The following EFNA5 variants were observed in gnomAD, a reference collection of about 807,000 sequenced individuals.
The protein encoded by EFNA5 is ephrin A5.
EFNA5 carries 5 observed loss-of-function variants against 22.9 expected under a neutral mutation model. The ratio of observed to expected loss-of-function variants is 0.22; its 90% CI spans 0.11 to 0.46. The LOEUF is 0.46. Ranked by LOEUF, EFNA5 falls within the 20% of genes least tolerant of loss-of-function variation. EFNA5 has a pLI of 0.99. For synonymous variants in EFNA5, 113 were observed against 112.2 expected (o/e 1.01, Z -0.04); for missense variants, 237 against 293.3 (o/e 0.81, Z 1.40).
At chr5:107,501,879 A>G (rs1287710668) in intron 1 of EFNA5, among the ~76,000 whole-genome samples, 1 of 152,244 alleles carries the variant, frequency 6.6e-6, no homozygotes, top group Non-Finnish European at 1.5e-5. Context: ...TAGATGAAAA[A>G]AGTAGTCGAT....
chr5:107,629,453 C>T (rs1750198693), intron 1 of EFNA5, among the ~76,000 whole-genome samples: 1 of 152,042 alleles, frequency 6.6e-6, no homozygotes. Context: ...TTTATCCAAA[C>T]CCATACAATG....
At chr5:107,481,101 G>A (rs965824406) in intron 1 of EFNA5, among the ~76,000 whole-genome samples, 2 of 152,190 alleles carry the variant, frequency 1.3e-5, no homozygotes, top group African/African-American at 4.8e-5. Flanking sequence ...ACTAAGAGGT[G>A]TGCAGCAAGC....
At chr5:107,529,211 A>G (rs1374512887) in intron 1 of EFNA5, among the ~76,000 whole-genome samples, 6 of 152,072 alleles carry the variant, frequency 3.9e-5, no homozygotes, top group Non-Finnish European at 2.9e-5. Flanking sequence ...GATTTGAAAA[A>G]CTAGTTTGAA....
At chr5:107,496,205 C>T (rs1443741922) in intron 1 of EFNA5, among the ~76,000 whole-genome samples, 1 of 148,922 alleles carries the variant, frequency 6.7e-6, no homozygotes, top group African/African-American at 2.5e-5. Context: ...ATTAGCTGGG[C>T]GTGGTGGCAG....
chr5:107,508,644 A>C (rs1283360675), intron 1 of EFNA5, among the ~76,000 whole-genome samples: 4 of 152,216 alleles, frequency 2.6e-5, no homozygotes, highest in Non-Finnish European at 5.9e-5. Context: ...TTGATATAAC[A>C]ATAATCTTAA....
chr5:107,570,439 A>G (rs917193895), intron 1 of EFNA5, among the ~76,000 whole-genome samples: 4 of 152,248 alleles, frequency 2.6e-5, no homozygotes, highest in African/African-American at 9.6e-5. Context: ...TGGTCTAACT[A>G]TTCAGAGGGA....
At chr5:107,487,096 C>T (rs1157889021) in intron 1 of EFNA5, among the ~76,000 whole-genome samples, 2 of 152,168 alleles carry the variant, frequency 1.3e-5, no homozygotes, top group Admixed American at 6.5e-5. Flanking sequence ...TGGTATCTGG[C>T]TCTGTTTCCC....
chr5:107,454,854 C>T (rs533583624), intron 1 of EFNA5, among the ~76,000 whole-genome samples: 1 of 152,188 alleles, frequency 6.6e-6, no homozygotes, highest in South Asian at 2.1e-4. Context: ...TTTCTTTCCA[C>T]TGTGGCTATG....
intron 1 of EFNA5, among the ~76,000 whole-genome samples, chr5:107,640,920 T>A (rs940324251): frequency 6.6e-6 from 1 of 152,074 alleles, no homozygotes; most frequent in Non-Finnish European, 1.5e-5. Flanking sequence ...CCAGGTCACT[T>A]CTCTTACATT....
At chr5:107,506,047 A>T (rs1424947930) in intron 1 of EFNA5, 1 of 152,240 alleles carries the variant, frequency 6.6e-6, no homozygotes, top group Non-Finnish European at 1.5e-5. Context: ...AACCACAGGG[A>T]GCCACAAGAA....
rs186586152 is a variant in EFNA5 at position 107,474,523 on chromosome 5, T to C, written c.126-47014A>G. On this transcript the variant is annotated intron_variant, in intron 1 of 4. Transcript: ENST00000333274. ...CCCTTGTTGAGTTTTCCTCCAGGCA[T>C]GACTAATACAATACAGGGAGGTGCT... Among the ~76,000 whole-genome samples, 7 of 152,248 alleles carry C rather than the reference T, an allele frequency of 4.6e-5. No individual in the cohort carries two copies. The East Asian group carries it at 1.2e-3, about 25-fold the overall frequency.
chr5:107,483,853 C>G (rs1750548577), intron 1 of EFNA5, among the ~76,000 whole-genome samples: 1 of 152,168 alleles, frequency 6.6e-6, no homozygotes, highest in Non-Finnish European at 1.5e-5. Context: ...TATTATTCAT[C>G]TGGTGGGTGA....
At chr5:107,506,628 C>T (rs1188941072) in intron 1 of EFNA5, among the ~76,000 whole-genome samples, 2 of 151,992 alleles carry the variant, frequency 1.3e-5, no homozygotes, top group Non-Finnish European at 2.9e-5. Context: ...GGGTGGGCAG[C>T]CCATTTAATG....
intron 2 of EFNA5, among the ~76,000 whole-genome samples, chr5:107,415,849 G>A (rs573507044): frequency 6.6e-6 from 1 of 152,196 alleles, no homozygotes; most frequent in Non-Finnish European, 1.5e-5. Flanking sequence ...TGCAGCTGCT[G>A]TGCTGCTTAA....
intron 1 of EFNA5, among the ~76,000 whole-genome samples, chr5:107,487,321 G>A (rs1480568039): frequency 2.0e-5 from 3 of 152,118 alleles, no homozygotes; most frequent in Non-Finnish European, 4.4e-5. Context: ...TCAGCACTTT[G>A]TGCATTCTGT....
chr5:107,450,010 T>A (rs1464279112), intron 1 of EFNA5, among the ~76,000 whole-genome samples: 1 of 152,224 alleles, frequency 6.6e-6, no homozygotes, highest in Non-Finnish European at 1.5e-5. Flanking sequence ...TTGTTTTGCA[T>A]GGCAGATAGA....
At chr5:107,613,352 T>C (rs1749858981) in intron 1 of EFNA5, among the ~76,000 whole-genome samples, 1 of 152,108 alleles carries the variant, frequency 6.6e-6, no homozygotes, top group East Asian at 1.9e-4. Flanking sequence ...GATATGTAAG[T>C]TATTAACTAT....
intron 4 of EFNA5, among the ~76,000 whole-genome samples, chr5:107,383,216 C>A (rs1334917781): frequency 6.6e-6 from 1 of 152,300 alleles, no homozygotes; most frequent in Middle Eastern, 3.4e-3. Flanking sequence ...CTCCCCTTTC[C>A]TGGACCTTAG....
chr5:107,389,530 A>G (rs1459779749), intron 2 of EFNA5, among the ~76,000 whole-genome samples: 3 of 152,244 alleles, frequency 2.0e-5, no homozygotes, highest in East Asian at 1.9e-4. Context: ...GATTTGCTAC[A>G]TGCACATAAC....
Sources: allele counts gnomAD v4.1 joint callset (sites outside exome capture counted in the v4.1 genomes callset), GRCh38; gene constraint gnomAD v4.1.1; transcripts MANE v1.5; gene names NCBI Gene and HGNC (gene_info 2026-07-23, HGNC 2026-07-21).